Variants in CACNG5 observed in about 807,000 individuals in gnomAD.
The protein encoded by CACNG5 is voltage-dependent calcium channel gamma-5 subunit.
CACNG5 carries 18 observed loss-of-function variants against 24.8 expected under a neutral mutation model. That is an observed-to-expected ratio of 0.73 (90% CI 0.50 to 1.08). The LOEUF is 1.08. Among genes scored for constraint, CACNG5 ranks in the 50% least tolerant of loss-of-function variants. CACNG5 has a pLI of 0.00. For missense variants in CACNG5, 349 were observed against 367.9 expected (o/e 0.95, Z 0.42); for synonymous variants, 157 against 149.1 (o/e 1.05, Z -0.39).
intron 3 of CACNG5, among the ~76,000 whole-genome samples, chr17:66,879,779 G>T (rs1421696192): frequency 3.9e-5 from 6 of 152,136 alleles, no homozygotes; most frequent in Non-Finnish European, 7.4e-5. Flanking sequence ...CTGAGCTTTG[G>T]TGTCCAGAGT....
chr17:66,850,744 C>T (rs1378803024), intron 1 of CACNG5, among the ~76,000 whole-genome samples: 1 of 152,070 alleles, frequency 6.6e-6, no homozygotes, highest in African/African-American at 2.4e-5. Context: ...TTAGAGCTTT[C>T]CAATACCACC....
At chr17:66,841,280 T>C (rs1271301638) in intron 1 of CACNG5, among the ~76,000 whole-genome samples, 2 of 152,126 alleles carry the variant, frequency 1.3e-5, no homozygotes, top group Non-Finnish European at 2.9e-5. Flanking sequence ...GATTGGCCGT[T>C]CCAAAAGAGG....
Position 66,880,608 on chromosome 17 carries a change from T to C in CACNG5, c.335T>C (p.Phe112Ser). 6.2e-7 allele frequency: 1 copy of C among 1,614,264 alleles called. No individual in the cohort carries two copies. Among genetic ancestry groups the C allele is most frequent in the Non-Finnish European group, 8.5e-7 (1 of 1,180,042 alleles). The change falls in exon 4 of 6, where the codon TTC (phenylalanine) becomes TCC (serine). Residue 112 changes from phenylalanine to serine, a missense_variant. Transcript: ENST00000533854. ...CCTCTGGTCAGCCTCTTCTTCATGT[T>C]CATTGGGTTTATCCTGAACAACATC... The part of the protein sequence containing the change: ...PFPLVSLFFM[F>S]IGFILNNIGH...
chr17:66,877,908 G>A (rs1977106339), intron 2 of CACNG5, among the ~76,000 whole-genome samples: 1 of 152,232 alleles, frequency 6.6e-6, no homozygotes, highest in African/African-American at 2.4e-5. Flanking sequence ...TGCAAGACAG[G>A]ACTTGTTATT....
intron 1 of CACNG5, among the ~76,000 whole-genome samples, chr17:66,855,989 T>C (rs897172647): frequency 6.6e-6 from 1 of 152,240 alleles, no homozygotes; most frequent in African/African-American, 2.4e-5. Context: ...TTGTTGTTGT[T>C]GTCGTTTAAC....
intron 1 of CACNG5, among the ~76,000 whole-genome samples, chr17:66,838,225 C>T (rs1370882043): frequency 6.6e-6 from 1 of 151,756 alleles, no homozygotes; most frequent in Non-Finnish European, 1.5e-5. Context: ...ATTCCCCTGT[C>T]ACTCCCCTCG....
chr17:66,838,023 C>T (rs2057783530), intron 1 of CACNG5, among the ~76,000 whole-genome samples: 1 of 151,958 alleles, frequency 6.6e-6, no homozygotes, highest in South Asian at 2.1e-4. Context: ...GATGCAAAAG[C>T]ATCGTTTCTT....
intron 1 of CACNG5, among the ~76,000 whole-genome samples, chr17:66,866,651 G>GT (rs2143087574): frequency 6.6e-6 from 1 of 152,134 alleles, no homozygotes; most frequent in African/African-American, 2.4e-5. Context: ...CCTGGTGTGT[G>GT]TTTTTCCCCT....
intron 1 of CACNG5, among the ~76,000 whole-genome samples, chr17:66,839,444 G>GA (rs1226930218): frequency 3.3e-5 from 5 of 152,200 alleles, no homozygotes; most frequent in African/African-American, 9.6e-5. Flanking sequence ...TGTAGGAGTA[G>GA]AAAATGGAGG....
chr17:66,882,170 A>T (rs73333296), intron 4 of CACNG5, among the ~76,000 whole-genome samples: 5,702 of 152,204 alleles, frequency 0.037, 346 homozygotes, highest in East Asian at 0.12. Context: ...TTCAAGTGAC[A>T]TTTGAGAGGT....
intron 2 of CACNG5, among the ~76,000 whole-genome samples, chr17:66,877,999 G>A (rs1977107568): frequency 6.6e-6 from 1 of 152,212 alleles, no homozygotes; most frequent in Admixed American, 6.5e-5. Flanking sequence ...CTAGTTTATA[G>A]ATTAGAAAAT....
At chr17:66,858,264 A>C (rs530353814) in intron 1 of CACNG5, among the ~76,000 whole-genome samples, 2 of 151,606 alleles carry the variant, frequency 1.3e-5, no homozygotes, top group South Asian at 4.2e-4. Flanking sequence ...AGTATTTTCC[A>C]CCCTGGGCTC....
intron 1 of CACNG5, among the ~76,000 whole-genome samples, chr17:66,858,944 G>A (rs1976818994): frequency 6.6e-6 from 1 of 152,202 alleles, no homozygotes. Flanking sequence ...GCCTTGTGGT[G>A]ACAGCAACCG....
At chr17:66,881,660 T>C (rs1977159607) in intron 4 of CACNG5, among the ~76,000 whole-genome samples, 1 of 152,138 alleles carries the variant, frequency 6.6e-6, no homozygotes, top group African/African-American at 2.4e-5. Context: ...AGGAACCCAG[T>C]GTGAATAGGA....
At chr17:66,857,743 A>G (rs908473628) in intron 1 of CACNG5, among the ~76,000 whole-genome samples, 4 of 152,170 alleles carry the variant, frequency 2.6e-5, no homozygotes, top group African/African-American at 7.2e-5. Context: ...CATGGTCTGC[A>G]TATCTTTAGG....
chr17:66,867,510 A>G (rs1976947243), intron 1 of CACNG5, among the ~76,000 whole-genome samples: 1 of 152,074 alleles, frequency 6.6e-6, no homozygotes, highest in Admixed American at 6.5e-5. Context: ...TTTTGTTGCA[A>G]TTGCTTTTGG....
chr17:66,863,822 T>C (rs1976895577), intron 1 of CACNG5, among the ~76,000 whole-genome samples: 1 of 152,254 alleles, frequency 6.6e-6, no homozygotes, highest in African/African-American at 2.4e-5. Flanking sequence ...TTTCCTCAAT[T>C]TTTGTTTGTC....
chr17:66,855,245 C>CT (rs1976758577), intron 1 of CACNG5, among the ~76,000 whole-genome samples: 1 of 152,224 alleles, frequency 6.6e-6, no homozygotes, highest in Admixed American at 6.5e-5. Flanking sequence ...CGATTCTTTT[C>CT]TTTTTTCTAC....
chr17:66,858,484 C>G (rs1041587162), intron 1 of CACNG5, among the ~76,000 whole-genome samples: 1 of 152,152 alleles, frequency 6.6e-6, no homozygotes, highest in Non-Finnish European at 1.5e-5. Flanking sequence ...CTGGGCCTCC[C>G]CCACCCGCCA....
Sources: allele counts gnomAD v4.1 joint callset (sites outside exome capture counted in the v4.1 genomes callset), GRCh38; gene constraint gnomAD v4.1.1; transcripts MANE v1.5; gene names NCBI Gene and HGNC (gene_info 2026-07-23, HGNC 2026-07-21).